The following MOB3B variants were observed in gnomAD, a reference collection of about 807,000 sequenced individuals.
MOB3B encodes the protein MOB kinase activator-like 2B.
In MOB3B, 7 loss-of-function variants were observed where a neutral mutation model predicts 18.7. That is an observed-to-expected ratio of 0.37 (90% CI 0.21 to 0.70). The LOEUF is 0.70. Among genes scored for constraint, MOB3B ranks in the 30% least tolerant of loss-of-function variants. The pLI is 0.52. For missense variants in MOB3B, 253 were observed against 281.3 expected, an observed-to-expected ratio of 0.90 and a Z score of 0.72; for synonymous variants, 111 against 99.9, an observed-to-expected ratio of 1.11 and a Z score of -0.66.
rs554429505 is a variant in MOB3B, at chr9:27,329,828, T to C, written c.*759A>G. On this transcript the variant is annotated 3_prime_UTR_variant, in exon 4 of 4. Transcript: ENST00000262244. Reference sequence around the variant, plus strand: ...AAGGAATGATGGTGGTTATAAAAAATACATTCTGATCAGGTGAACTGGTAA... The same window carrying C: ...AAGGAATGATGGTGGTTATAAAAAACACATTCTGATCAGGTGAACTGGTAA... 14 of 152,750 alleles carry C rather than the reference T, an allele frequency of 9.2e-5. No individual in the cohort carries two copies. The highest frequency in any genetic ancestry group is 3.4e-4 in the African/African-American group (14 of 41,554). 9.5% of individuals were successfully genotyped at this position (152,750 alleles called of 1,614,324 possible).
chr9:27,520,874 A>C (rs1217913706), intron 1 of MOB3B, among the ~76,000 whole-genome samples: 3 of 152,222 alleles, frequency 2.0e-5, no homozygotes, highest in Non-Finnish European at 4.4e-5. Flanking sequence ...GTTAAATCTG[A>C]ATTTCAGAAA....
chr9:27,372,107 C>T (rs973194726), intron 2 of MOB3B, among the ~76,000 whole-genome samples: 3 of 151,966 alleles, frequency 2.0e-5, no homozygotes, highest in Admixed American at 2.0e-4. Flanking sequence ...GGAATCAGGG[C>T]CCCTTGGAGA....
intron 3 of MOB3B, among the ~76,000 whole-genome samples, chr9:27,350,031 C>T (rs1821082669): frequency 6.6e-6 from 1 of 152,238 alleles, no homozygotes; most frequent in Non-Finnish European, 1.5e-5. Flanking sequence ...CTGTGATATC[C>T]AATACAATAG....
intron 1 of MOB3B, among the ~76,000 whole-genome samples, chr9:27,465,640 G>A (rs773529594): frequency 3.3e-5 from 5 of 152,132 alleles, no homozygotes; most frequent in East Asian, 1.9e-4. Context: ...TGAGGGTCCC[G>A]CCCCTGCAGC....
chr9:27,523,464 C>CAA (rs55637136), intron 1 of MOB3B, among the ~76,000 whole-genome samples: 4 of 141,736 alleles, frequency 2.8e-5, no homozygotes, highest in African/African-American at 1.1e-4. Flanking sequence ...TAAACTGCAC[C>CAA]AAAAAAAAAA....
At chr9:27,397,578 C>A (rs539377917) in intron 2 of MOB3B, 2 of 152,290 alleles carry the variant, frequency 1.3e-5, no homozygotes, top group African/African-American at 4.8e-5. Flanking sequence ...TTGACTACAT[C>A]TTTTTCCTTA....
intron 2 of MOB3B, among the ~76,000 whole-genome samples, chr9:27,400,722 G>T (rs910435606): frequency 1.3e-5 from 2 of 152,162 alleles, no homozygotes; most frequent in African/African-American, 4.8e-5. Flanking sequence ...GTCCATTAAC[G>T]TACATGAAAG....
intron 1 of MOB3B, among the ~76,000 whole-genome samples, chr9:27,505,311 G>A (rs1820042840): frequency 6.6e-6 from 1 of 152,136 alleles, no homozygotes; most frequent in African/African-American, 2.4e-5. Context: ...AAGAGTGAAG[G>A]AATGACGGCC....
intron 1 of MOB3B, among the ~76,000 whole-genome samples, chr9:27,473,379 G>A (rs990991763): frequency 1.1e-3 from 168 of 152,228 alleles, no homozygotes; most frequent in African/African-American, 3.9e-3. Flanking sequence ...CCTGTTTGGA[G>A]AGCCACGCTC....
chr9:27,389,731 G>A (rs2131380792), intron 2 of MOB3B, among the ~76,000 whole-genome samples: 1 of 152,212 alleles, frequency 6.6e-6, no homozygotes, highest in East Asian at 1.9e-4. Flanking sequence ...ACAGTGCTTG[G>A]TACATAGTAG....
At chr9:27,413,348 A>G (rs533538328) in intron 2 of MOB3B, among the ~76,000 whole-genome samples, 2 of 152,076 alleles carry the variant, frequency 1.3e-5, no homozygotes, top group East Asian at 3.9e-4. Context: ...TGTGGAGCTT[A>G]AAGTGACATA....
At chr9:27,396,150 T>C (rs574112578) in intron 2 of MOB3B, among the ~76,000 whole-genome samples, 1 of 152,328 alleles carries the variant, frequency 6.6e-6, no homozygotes, top group East Asian at 1.9e-4. Flanking sequence ...TCCCTACATG[T>C]ATTTTTTTCC....
At chr9:27,477,372 C>A (rs1216447822) in intron 1 of MOB3B, among the ~76,000 whole-genome samples, 2 of 152,178 alleles carry the variant, frequency 1.3e-5, no homozygotes, top group Non-Finnish European at 2.9e-5. Flanking sequence ...CCTTTGCCAC[C>A]CTAATAAAGC....
intron 1 of MOB3B, among the ~76,000 whole-genome samples, chr9:27,512,249 C>G (rs1415269412): frequency 6.6e-6 from 1 of 152,088 alleles, no homozygotes; most frequent in African/African-American, 2.4e-5. Flanking sequence ...ATGTTTAGGC[C>G]ATCCTATAAT....
rs1554652190 is a variant in MOB3B at position 27,481,506 on chromosome 9, T to TTG, written c.-198-25759_-198-25758insCA. Among the ~76,000 whole-genome samples, 159 of 54,632 alleles carry TTG rather than the reference T, an allele frequency of 2.9e-3. 1 individual carries two copies. In the East Asian group the frequency reaches 0.051, roughly 18 times the overall value. 35.8% of individuals were successfully genotyped at this position (54,632 alleles called of 152,430 possible). On this transcript the variant is annotated intron_variant, in intron 1 of 3. Transcript: ENST00000262244. The stretch of plus-strand genomic sequence containing the variant: ...CTGTCTAAGGAAGGTAGTTTTTTTT[T>TTG]TTTTGTTTTTTTTGTTTTTTTTTTT...
intron 3 of MOB3B, among the ~76,000 whole-genome samples, chr9:27,340,887 A>G (rs2131338275): frequency 6.6e-6 from 1 of 152,040 alleles, no homozygotes; most frequent in South Asian, 2.1e-4. Context: ...TCCTTCTCAT[A>G]CCCAGCATTT....
chr9:27,405,734 C>T (rs1261766882), intron 2 of MOB3B, among the ~76,000 whole-genome samples: 2 of 152,146 alleles, frequency 1.3e-5, no homozygotes, highest in Non-Finnish European at 1.5e-5. Flanking sequence ...CAACAAAATA[C>T]TAGCAAACTG....
chr9:27,510,873 A>T (rs1170318786), intron 1 of MOB3B, among the ~76,000 whole-genome samples: 1 of 152,176 alleles, frequency 6.6e-6, no homozygotes, highest in Non-Finnish European at 1.5e-5. Context: ...TACTGCAGAG[A>T]CCTTGGCAGG....
chr9:27,463,700 T>C (rs1307543741), intron 1 of MOB3B, among the ~76,000 whole-genome samples: 2 of 151,818 alleles, frequency 1.3e-5, no homozygotes, highest in Non-Finnish European at 1.5e-5. Context: ...GTGACTCACG[T>C]CTGTAATCCT....
Sources: allele counts gnomAD v4.1 joint callset (sites outside exome capture counted in the v4.1 genomes callset), GRCh38; gene constraint gnomAD v4.1.1; transcripts MANE v1.5; gene names NCBI Gene and HGNC (gene_info 2026-07-23, HGNC 2026-07-21).